DZIP3: variants seen among roughly 807,000 people sequenced by gnomAD.
The protein encoded by DZIP3 is E3 ubiquitin-protein ligase DZIP3.
In DZIP3, 118 loss-of-function variants were observed where a neutral mutation model predicts 162.0. That is an observed-to-expected ratio of 0.73 (90% confidence interval 0.63 to 0.85). DZIP3 has a LOEUF of 0.85. Ranked by LOEUF, DZIP3 falls within the 40% of genes least tolerant of loss-of-function variation. The pLI is 0.00. For synonymous variants in DZIP3, 438 were observed against 458.6 expected (o/e 0.96, Z 0.57); for missense variants, 1,331 against 1,407.0 (o/e 0.95, Z 0.86).
At chr3:108,591,427 G>C (rs919263403) in intron 1 of DZIP3, among the ~76,000 whole-genome samples, 1 of 152,206 alleles carries the variant, frequency 6.6e-6, no homozygotes, top group African/African-American at 2.4e-5. Context: ...TGTCAGCATC[G>C]TCCCCATTCA....
At chr3:108,679,387 AC>A (rs762125889) in intron 26 of DZIP3, among the ~76,000 whole-genome samples, 78 of 152,038 alleles carry the variant, frequency 5.1e-4, no homozygotes, top group Non-Finnish European at 1.8e-4. Context: ...GACATGTCTT[AC>A]CCGGGTTTAG....
intron 1 of DZIP3, 167 bp downstream of exon 1, chr3:108,590,006 G>C (rs759090443): frequency 6.6e-6 from 1 of 152,208 alleles, no homozygotes; most frequent in Non-Finnish European, 1.5e-5. Flanking sequence ...CCTGACCAAA[G>C]TATTTGTCAC....
intron 18 of DZIP3, among the ~76,000 whole-genome samples, chr3:108,652,814 C>A (rs1942924914): frequency 6.6e-6 from 1 of 151,880 alleles, no homozygotes; most frequent in Non-Finnish European, 1.5e-5. Context: ...TTACGTGTTA[C>A]AACTGCCTAT....
chr3:108,684,437 T>C (rs1944429565), intron 27 of DZIP3, 96 bp downstream of exon 27: 2 of 1,428,694 alleles, frequency 1.4e-6, no homozygotes, highest in East Asian at 4.7e-5. Context: ...ATTCATTTGA[T>C]ATGATAATGA....
At chr3:108,691,008 C>A in intron 32 of DZIP3, 105 bp downstream of exon 32, 1 of 861,854 alleles carries the variant, frequency 1.2e-6, no homozygotes, top group Non-Finnish European at 1.8e-6. Flanking sequence ...AAGAAGCCAG[C>A]TAATTTTATC....
intron 26 of DZIP3, among the ~76,000 whole-genome samples, chr3:108,681,197 T>G (rs903061294): frequency 6.6e-6 from 1 of 152,120 alleles, no homozygotes; most frequent in Non-Finnish European, 1.5e-5. Context: ...GACAAAGGGC[T>G]TATATCTAGA....
intron 8 of DZIP3, among the ~76,000 whole-genome samples, chr3:108,631,047 ACACACACACTCTCTCTCTCTCTCT>A (rs1941824601): frequency 1.4e-5 from 1 of 72,492 alleles, no homozygotes; most frequent in Non-Finnish European, 2.6e-5. Context: ...ACACACACAC[ACACACACACTCTCTCTCTCTCTCT>A]CTCTCTCTCT....
intron 5 of DZIP3, among the ~76,000 whole-genome samples, chr3:108,622,880 C>CTCTCTCTCTCTCTCTCTGTGTGTG (rs796232998): frequency 1.9e-5 from 1 of 53,096 alleles, no homozygotes; most frequent in Non-Finnish European, 3.6e-5. Context: ...CTCTCTCTCT[C>CTCTCTCTCTCTCTCTCTGTGTGTG]TGTGTGTGTG....
At chr3:108,687,948 G>A (rs79030742) in intron 28 of DZIP3, 28 bp from the exon 29 acceptor site, 27 of 1,612,632 alleles carry the variant, frequency 1.7e-5, no homozygotes, top group Middle Eastern at 3.3e-4. Context: ...AATCATTACT[G>A]CCCTTTCCTT....
At chr3:108,681,530 C>T (rs538280226) in intron 26 of DZIP3, among the ~76,000 whole-genome samples, 46 of 152,134 alleles carry the variant, frequency 3.0e-4, no homozygotes, top group African/African-American at 9.4e-4. Flanking sequence ...GACGATTCCT[C>T]AAGGGTCTAG....
At chr3:108,683,034 A>C (rs1006893461) in intron 26 of DZIP3, among the ~76,000 whole-genome samples, 1 of 150,780 alleles carries the variant, frequency 6.6e-6, no homozygotes, top group African/African-American at 2.5e-5. Context: ...TAGTATAATC[A>C]ACCTCTTCAA....
At chr3:108,650,596 A>T (rs923649224) in intron 17 of DZIP3, among the ~76,000 whole-genome samples, 2 of 151,776 alleles carry the variant, frequency 1.3e-5, no homozygotes, top group Non-Finnish European at 3.0e-5. Context: ...CATAAAATTT[A>T]GGGCTTTTAA....
chr3:108,641,516 G>A (rs912854032), intron 12 of DZIP3, among the ~76,000 whole-genome samples: 3 of 152,066 alleles, frequency 2.0e-5, no homozygotes, highest in South Asian at 2.1e-4. Flanking sequence ...TGTACATGTC[G>A]CTAGGTCAAT....
rs1026405708 is a variant in DZIP3, at chr3:108,636,701, A to G, written c.1004A>G (p.Lys335Arg). Residue 335 changes from lysine to arginine, a missense_variant, in exon 11 of 33, where the codon AAA (lysine) becomes AGA (arginine). Transcript: ENST00000361582. The part of the protein sequence containing the change: ...MLQCDVPGIV[K>R]ILFEVVRKDE... ...CAATGTGATGTACCTGGAATTGTTAAAATTTTGGTGAGTATCTTGTTTTGT... is the reference window on the plus strand; with the variant it reads ...CAATGTGATGTACCTGGAATTGTTAGAATTTTGGTGAGTATCTTGTTTTGT... 6.4e-7 allele frequency: 1 copy of G among 1,573,420 alleles called. No individual in the cohort carries two copies. The highest frequency in any genetic ancestry group is 1.4e-5 in the African/African-American group (1 of 71,424).
At chr3:108,624,618 GGAAACTTAATATTAGCTTATAACTTCA>G in intron 6 of DZIP3, 94 bp downstream of exon 6, 1 of 619,852 alleles carries the variant, frequency 1.6e-6, no homozygotes, top group Non-Finnish European at 2.7e-6. Flanking sequence ...TATTAAAAAA[GGAAACTTAATATTAGCTTATAACTTCA>G]TTTCTTTTAT....
At chr3:108,591,778 C>T (rs756164329) in intron 1 of DZIP3, among the ~76,000 whole-genome samples, 17 of 152,032 alleles carry the variant, frequency 1.1e-4, no homozygotes. Context: ...GCAGGAGGAC[C>T]TTGAACCCAG....
intron 1 of DZIP3, among the ~76,000 whole-genome samples, chr3:108,590,542 G>A (rs1939335535): frequency 6.6e-6 from 1 of 152,142 alleles, no homozygotes; most frequent in African/African-American, 2.4e-5. Flanking sequence ...CATTCATTCC[G>A]TAAACAATTA....
chr3:108,658,929 A>G (rs2107279537), intron 19 of DZIP3, among the ~76,000 whole-genome samples: 1 of 152,326 alleles, frequency 6.6e-6, no homozygotes, highest in Admixed American at 6.5e-5. Context: ...CACCCTCCCA[A>G]GACTAAACCA....
In DZIP3 at chr3:108,642,336, G is replaced by A; in HGVS notation, c.1065-102G>A. The A allele has an allele frequency of 3.3e-6, 4 of 1,221,424 alleles. 1 individual carries two copies. The South Asian group carries it at 5.9e-5, about 18-fold the overall frequency. The allele number at this position is 1,221,424 out of a possible 1,614,324, so 75.7% of individuals were successfully genotyped here. A position where few individuals can be genotyped will look rare whatever the true frequency, so the allele number is the denominator to read the frequency against. On this transcript the variant is annotated intron_variant, in intron 12 of 32. Coordinates refer to ENST00000361582, the MANE Select transcript of DZIP3 (RefSeq NM_014648.4). ...TTTCTCCTTCTTGAATTATTTCTAG[G>A]AGAAGATGAAAATACTCACTTAGCC...
Sources: gnomAD v4.1 joint callset for allele counts (sites outside exome capture counted in the v4.1 genomes callset) on GRCh38, gnomAD v4.1.1 for gene constraint, MANE v1.5 for transcripts, NCBI Gene and HGNC (gene_info 2026-07-23, HGNC 2026-07-21) for gene names.